The following PIK3C3 variants were observed in gnomAD, a reference collection of about 807,000 sequenced individuals.
PIK3C3 encodes PI3-kinase type 3.
A neutral mutation model predicts 126.1 loss-of-function variants in PIK3C3; 95 were observed. The ratio of observed to expected loss-of-function variants is 0.75; its 90% confidence interval spans 0.64 to 0.89. The LOEUF (loss-of-function observed/expected upper bound fraction) is 0.89. Ranked by LOEUF, PIK3C3 falls within the 40% of genes least tolerant of loss-of-function variation. The probability of loss-of-function intolerance (pLI) is 0.00; values close to 1 mark genes in which losing one functional copy is unlikely to be tolerated. For synonymous variants in PIK3C3, 374 were observed against 360.0 expected (o/e 1.04, Z -0.44); for missense variants, 829 against 1,063.2 (o/e 0.78, Z 3.06).
chr18:42,074,025 G>C (rs1439842089), intron 24 of PIK3C3, among the ~76,000 whole-genome samples: 1 of 152,176 alleles, frequency 6.6e-6, no homozygotes, highest in African/African-American at 2.4e-5. Flanking sequence ...TAAGAGATCA[G>C]TACTTGTGCT....
chr18:42,021,279 A>C (rs888199683), intron 13 of PIK3C3, among the ~76,000 whole-genome samples: 1 of 152,178 alleles, frequency 6.6e-6, no homozygotes, highest in African/African-American at 2.4e-5. Flanking sequence ...TTCACATTAA[A>C]ACAATGTCCT....
chr18:42,059,598 A>G lies in PIK3C3; in HGVS notation c.2432+1547A>G, dbSNP rs376238136. ...AGTGGATTAGTAGCAATTCAATAGAATAAGAAAACAGGCAGGTTATTAATG... is the reference window on the plus strand; with the variant it reads ...AGTGGATTAGTAGCAATTCAATAGAGTAAGAAAACAGGCAGGTTATTAATG... On this transcript the variant is annotated intron_variant, in intron 22 of 24. Transcript: ENST00000262039. Among the ~76,000 whole-genome samples the G allele has an allele frequency of 3.9e-5, 6 of 152,212 alleles. No individual in the cohort carries two copies. The East Asian group carries it at 1.2e-3, about 29-fold the overall frequency.
chr18:41,994,411 T>C (rs1282317115), intron 7 of PIK3C3, among the ~76,000 whole-genome samples: 1 of 152,182 alleles, frequency 6.6e-6, no homozygotes, highest in African/African-American at 2.4e-5. Context: ...GCAGTTATAG[T>C]TATTTGTTAA....
intron 10 of PIK3C3, among the ~76,000 whole-genome samples, chr18:42,008,164 A>G (rs1289998322): frequency 6.6e-6 from 1 of 152,150 alleles, no homozygotes; most frequent in Non-Finnish European, 1.5e-5. Context: ...TTGATTTGTT[A>G]ATATCTGATT....
chr18:41,957,557 C>T lies in PIK3C3; in HGVS notation c.69-13C>T. On this transcript the variant is annotated splice_polypyrimidine_tract_variant and intron_variant, in intron 1 of 24. Transcript: ENST00000262039. ...AATTCATGTCTGAAACATTGTTGGT[C>T]TTGTGCTTTCAGAGGAAGCTTGGAA... The T allele has an allele frequency of 6.2e-7, 1 of 1,603,296 alleles. No homozygotes were observed. Among genetic ancestry groups the T allele is most frequent in the Non-Finnish European group, 8.5e-7 (1 of 1,177,374 alleles).
chr18:42,079,531 G>T (rs910203415), intron 24 of PIK3C3, among the ~76,000 whole-genome samples: 1 of 151,996 alleles, frequency 6.6e-6, no homozygotes, highest in Non-Finnish European at 1.5e-5. Flanking sequence ...GGAAAAAATG[G>T]CTCTGATAGA....
chr18:42,048,698 A>G (rs1283778866), intron 20 of PIK3C3, among the ~76,000 whole-genome samples: 1 of 152,188 alleles, frequency 6.6e-6, no homozygotes, highest in Admixed American at 6.5e-5. Context: ...ACCTAAGTCA[A>G]ATGAACTTTA....
At chr18:42,001,965 A>C (rs1482305630) in intron 9 of PIK3C3, among the ~76,000 whole-genome samples, 1 of 152,230 alleles carries the variant, frequency 6.6e-6, no homozygotes, top group South Asian at 2.1e-4. Flanking sequence ...TGTTCTATAC[A>C]GAAAGGGAGC....
chr18:42,003,229 A>G (rs779771345), intron 9 of PIK3C3, among the ~76,000 whole-genome samples: 2 of 152,178 alleles, frequency 1.3e-5, no homozygotes, highest in African/African-American at 4.8e-5. Context: ...CCAAGTAGAC[A>G]TTTTCTTGAG....
chr18:42,044,466 G>T (rs1234912841), intron 20 of PIK3C3, among the ~76,000 whole-genome samples: 2 of 151,278 alleles, frequency 1.3e-5, no homozygotes, highest in East Asian at 3.9e-4. Context: ...TGGCTGAAGT[G>T]CAGTGGCGCA....
At chr18:41,974,612 G>A (rs1368232035) in intron 4 of PIK3C3, among the ~76,000 whole-genome samples, 1 of 133,744 alleles carries the variant, frequency 7.5e-6, no homozygotes, top group Non-Finnish European at 1.5e-5. Context: ...TTAATTTTTA[G>A]TATAGTGTCT....
intron 10 of PIK3C3, among the ~76,000 whole-genome samples, chr18:42,010,155 G>C (rs577730231): frequency 3.5e-4 from 53 of 152,194 alleles, no homozygotes; most frequent in Admixed American, 1.2e-3. Context: ...TGAATCTTTT[G>C]TTGTCATTTC....
At chr18:42,012,099 A>G (rs1982851844) in intron 10 of PIK3C3, among the ~76,000 whole-genome samples, 1 of 152,158 alleles carries the variant, frequency 6.6e-6, no homozygotes, top group Admixed American at 6.5e-5. Context: ...AGTGTGACAC[A>G]AAGACATGGA....
intron 14 of PIK3C3, among the ~76,000 whole-genome samples, chr18:42,028,155 A>G (rs764604956): frequency 5.9e-5 from 9 of 152,134 alleles, no homozygotes; most frequent in Non-Finnish European, 1.2e-4. Context: ...AAGACCTAAA[A>G]TATTTACTCT....
chr18:42,017,579 T>C (rs1983131139), intron 12 of PIK3C3, among the ~76,000 whole-genome samples: 1 of 152,148 alleles, frequency 6.6e-6, no homozygotes, highest in Non-Finnish European at 1.5e-5. Flanking sequence ...TAATTTCTTC[T>C]TGTAGTTCTG....
rs1480858522 is a variant in PIK3C3, at chr18:42,084,746, G to A, written c.*3609G>A. The A allele has an allele frequency of 1.3e-5, 2 of 152,162 alleles. No individual in the cohort carries two copies. Among genetic ancestry groups the A allele is most frequent in the Non-Finnish European group, 2.9e-5 (2 of 68,040 alleles). 9.4% of individuals were successfully genotyped at this position (152,162 alleles called of 1,614,324 possible). On this transcript the variant is annotated 3_prime_UTR_variant, in exon 25 of 25. Transcript: ENST00000262039. ...AGACTCCACTGTAAGAACTAGAGTG[G>A]GAATGGACATGTCAAAACCTCCTGG...
At chr18:42,074,157 T>G (rs981145239) in intron 24 of PIK3C3, among the ~76,000 whole-genome samples, 1 of 152,164 alleles carries the variant, frequency 6.6e-6, no homozygotes, top group Admixed American at 6.5e-5. Flanking sequence ...TTAGATATAC[T>G]TACAACCCTA....
intron 12 of PIK3C3, 120 bp from the exon 13 acceptor site, chr18:42,020,518 A>G: frequency 1.6e-6 from 1 of 617,518 alleles, no homozygotes; most frequent in Non-Finnish European, 2.8e-6. Context: ...TAAATGGCAG[A>G]AAATCTGATC....
chr18:42,049,537 A>G lies in PIK3C3; in HGVS notation c.2195A>G (p.Tyr732Cys). The change falls in exon 21 of 25, where the codon TAT becomes TGT. Residue 732 changes from tyrosine to cysteine, a missense_variant. This residue lies in a region of PIK3C3 where 196 missense variants were observed against 312.8 expected (regional missense o/e 0.63). Transcript: ENST00000262039. ...MDTYVKSCAG[Y>C]CVITYILGVG... The stretch of plus-strand genomic sequence containing the variant: ...TTTTTAACTGTTACTGCAGCTGGAT[A>G]TTGCGTGATCACCTATATACTTGGA... 1.2e-6 allele frequency: 2 copies of G among 1,612,756 alleles called. No individual in the cohort carries two copies. The highest frequency in any genetic ancestry group is 8.5e-7 in the Non-Finnish European group (1 of 1,178,886).
Sources: allele counts gnomAD v4.1 joint callset (sites outside exome capture counted in the v4.1 genomes callset), GRCh38; gene constraint gnomAD v4.1.1; regional missense constraint gnomAD v4.1.1; transcripts MANE v1.5; gene names NCBI Gene and HGNC (gene_info 2026-07-23, HGNC 2026-07-21).